Variants in SLC25A21 observed in about 807,000 individuals in gnomAD.
SLC25A21 encodes the protein mitochondrial 2-oxodicarboxylate carrier.
A neutral mutation model predicts 43.8 loss-of-function variants in SLC25A21; 47 were observed. The ratio of observed to expected loss-of-function variants is 1.07; its 90% CI spans 0.85 to 1.37. The LOEUF (loss-of-function observed/expected upper bound fraction) is 1.37. Ranked by LOEUF, SLC25A21 falls within the 40% of genes most tolerant of loss-of-function variation. SLC25A21 has a pLI of 0.00. For synonymous variants in SLC25A21, 131 were observed against 121.3 expected, an observed-to-expected ratio of 1.08 and a Z score of -0.52; for missense variants, 352 against 350.2, an observed-to-expected ratio of 1.00 and a Z score of -0.04.
chr14:37,027,204 T>C (rs1961111296), intron 1 of SLC25A21, among the ~76,000 whole-genome samples: 2 of 152,190 alleles, frequency 1.3e-5, no homozygotes, highest in Non-Finnish European at 2.9e-5. Flanking sequence ...GAGAACATAC[T>C]ATAGCATGTC....
intron 7 of SLC25A21, among the ~76,000 whole-genome samples, chr14:36,699,263 AAGAACAGCAAATATTGC>A (rs1206582028): frequency 1.6e-4 from 25 of 152,242 alleles, no homozygotes; most frequent in Middle Eastern, 3.4e-3. Flanking sequence ...GCGGAGGCTG[AAGAACAGCAAATATTGC>A]AGAACAGCAA....
At chr14:36,712,943 ACC>A (rs1883951233) in intron 6 of SLC25A21, among the ~76,000 whole-genome samples, 1 of 152,066 alleles carries the variant, frequency 6.6e-6, no homozygotes, top group Non-Finnish European at 1.5e-5. Context: ...TGTTGGAAAG[ACC>A]CTGGAAGTGC....
chr14:37,138,868 G>A (rs1260121474), intron 1 of SLC25A21, among the ~76,000 whole-genome samples: 1 of 152,044 alleles, frequency 6.6e-6, no homozygotes, highest in Non-Finnish European at 1.5e-5. Context: ...CTGTGTTGCA[G>A]TTTTTTACTA....
At chr14:37,121,939 C>T (rs1304595521) in intron 1 of SLC25A21, among the ~76,000 whole-genome samples, 1 of 146,862 alleles carries the variant, frequency 6.8e-6, no homozygotes, top group Non-Finnish European at 1.5e-5. Context: ...CATCAAGTGT[C>T]CCCTAATGCC....
intron 1 of SLC25A21, among the ~76,000 whole-genome samples, chr14:37,038,045 T>A (rs1042152286): frequency 6.6e-6 from 1 of 152,236 alleles, no homozygotes; most frequent in South Asian, 2.1e-4. Context: ...TATACCCACA[T>A]ACTTTTTGTG....
intron 3 of SLC25A21, among the ~76,000 whole-genome samples, chr14:36,813,264 T>G (rs2138445220): frequency 6.6e-6 from 1 of 151,924 alleles, no homozygotes; most frequent in Non-Finnish European, 1.5e-5. Flanking sequence ...CTGGATATGG[T>G]TTTTAACTGA....
rs545837613 is a variant in SLC25A21, at chr14:37,104,310, TCAGA to T, written c.70+67967_70+67970del. Among the ~76,000 whole-genome samples the T allele has an allele frequency of 1.4e-3, 218 of 152,266 alleles. 1 individual carries two copies. The highest frequency in any genetic ancestry group is 2.2e-3 in the Non-Finnish European group (150 of 68,020). On this transcript the variant is annotated intron_variant, in intron 1 of 9. Coordinates refer to ENST00000331299, the MANE Select transcript of SLC25A21 (RefSeq NM_030631.4). ...CCATGAGGTGGAGAGCTAGCTCTCA[TCAGA>T]CATAGAACCTGCTGGCACCTTGATC... is the stretch of plus-strand genomic sequence containing the variant.
intron 3 of SLC25A21, among the ~76,000 whole-genome samples, chr14:36,764,598 C>T (rs541277824): frequency 6.9e-6 from 1 of 145,270 alleles, no homozygotes; most frequent in African/African-American, 2.5e-5. Context: ...AAAAACCATG[C>T]ATGCACACAC....
rs190442758 is a variant in SLC25A21, at chr14:36,691,332, C to T, written c.604-6407G>A. On this transcript the variant is annotated intron_variant, in intron 7 of 9. Transcript: ENST00000331299. ...AAGACTAGGAGTGAATTCAGAATGC[C>T]ACCTAGCCTAAGTCAAGTATTTTGA... Among the ~76,000 whole-genome samples, 51 of 152,288 alleles carry T rather than the reference C, an allele frequency of 3.3e-4. No individual in the cohort carries two copies. In the East Asian group the frequency reaches 8.3e-3, roughly 25 times the overall value.
chr14:36,778,654 G>A (rs1886925176), intron 3 of SLC25A21, among the ~76,000 whole-genome samples: 1 of 152,120 alleles, frequency 6.6e-6, no homozygotes, highest in Non-Finnish European at 1.5e-5. Flanking sequence ...CTAGGCTGAA[G>A]GAGTCAGTTT....
chr14:37,140,327 G>A (rs1009931579), intron 1 of SLC25A21, among the ~76,000 whole-genome samples: 10 of 152,140 alleles, frequency 6.6e-5, no homozygotes, highest in Non-Finnish European at 2.9e-5. Context: ...TACTAATTTT[G>A]GATATCCATT....
intron 1 of SLC25A21, among the ~76,000 whole-genome samples, chr14:36,912,554 A>C (rs1488014452): frequency 6.6e-6 from 1 of 152,244 alleles, no homozygotes; most frequent in Non-Finnish European, 1.5e-5. Flanking sequence ...TTGGAAAGGT[A>C]TCCAAAAGTG....
At chr14:36,931,793 G>C (rs1478386004) in intron 1 of SLC25A21, among the ~76,000 whole-genome samples, 1 of 152,096 alleles carries the variant, frequency 6.6e-6, no homozygotes, top group Non-Finnish European at 1.5e-5. Context: ...CAGGATATAA[G>C]GGACAGCCAA....
intron 1 of SLC25A21, among the ~76,000 whole-genome samples, chr14:36,881,250 T>A (rs1426846231): frequency 6.6e-6 from 1 of 152,184 alleles, no homozygotes; most frequent in African/African-American, 2.4e-5. Context: ...AATCAAAATG[T>A]TACATCATCT....
intron 2 of SLC25A21, among the ~76,000 whole-genome samples, chr14:36,840,860 G>GC (rs1156351632): frequency 1.1e-4 from 16 of 152,148 alleles, no homozygotes; most frequent in African/African-American, 3.9e-4. Flanking sequence ...GAAAAGAGCG[G>GC]CAGCTGCTAT....
intron 2 of SLC25A21, among the ~76,000 whole-genome samples, chr14:36,866,521 G>A (rs931519191): frequency 3.3e-5 from 5 of 152,074 alleles, no homozygotes; most frequent in African/African-American, 4.8e-5. Flanking sequence ...TGGGGTTTTC[G>A]AATGCCACTT....
At chr14:37,037,110 C>T (rs929534433) in intron 1 of SLC25A21, among the ~76,000 whole-genome samples, 7 of 152,048 alleles carry the variant, frequency 4.6e-5, no homozygotes, top group East Asian at 3.9e-4. Context: ...GAGGCTGGGG[C>T]GGGTGTGGGG....
chr14:37,008,662 A>G lies in SLC25A21; in HGVS notation c.71-133658T>C, dbSNP rs188375303. 3.2e-3 allele frequency among the ~76,000 whole-genome samples: 492 copies of G among 152,304 alleles called. 1 individual carries two copies. The highest frequency in any genetic ancestry group is 0.011 in the African/African-American group (444 of 41,554). On this transcript the variant is annotated intron_variant, in intron 1 of 9. Transcript: ENST00000331299. ...TGGTATAATGCAGCGATGGCCTTAC[A>G]AAGAGGTACAGCACTCACCACCAAT...
intron 1 of SLC25A21, among the ~76,000 whole-genome samples, chr14:36,881,700 A>G (rs1345543140): frequency 2.0e-5 from 3 of 152,122 alleles, no homozygotes; most frequent in Non-Finnish European, 4.4e-5. Flanking sequence ...GCCAACTCCT[A>G]ATGGAACACA....
Sources: allele counts gnomAD v4.1 joint callset (sites outside exome capture counted in the v4.1 genomes callset), GRCh38; gene constraint gnomAD v4.1.1; transcripts MANE v1.5; gene names NCBI Gene and HGNC (gene_info 2026-07-23, HGNC 2026-07-21).